The following NRXN1 variants were observed in gnomAD, a reference collection of about 807,000 sequenced individuals.
The protein encoded by NRXN1 is neurexin-1.
A neutral mutation model predicts 150.9 loss-of-function variants in NRXN1; 39 were observed. The observed-to-expected ratio is 0.26, with a 90% CI of 0.20 to 0.34. NRXN1 has a LOEUF of 0.34. Ranked by LOEUF, NRXN1 falls within the 10% of genes least tolerant of loss-of-function variation. NRXN1 has a pLI of 1.00. For synonymous variants in NRXN1, 924 were observed against 757.0 expected (o/e 1.22, Z -3.62); for missense variants, 1,815 against 1,949.9 (o/e 0.93, Z 1.30).
chr2:50,327,944 C>T (rs546614039), intron 17 of NRXN1, among the ~76,000 whole-genome samples: 6 of 152,236 alleles, frequency 3.9e-5, no homozygotes, highest in Non-Finnish European at 5.9e-5. Flanking sequence ...CCACTGTGCC[C>T]GGCCACTTCT....
chr2:50,801,156 TA>T (rs1445113595), intron 5 of NRXN1, among the ~76,000 whole-genome samples: 2 of 152,284 alleles, frequency 1.3e-5, no homozygotes, highest in East Asian at 3.9e-4. Context: ...ACTGATTCAC[TA>T]ATCAGGCTTA....
chr2:50,844,695 G>T (rs1355634212), intron 5 of NRXN1, among the ~76,000 whole-genome samples: 2 of 152,102 alleles, frequency 1.3e-5, no homozygotes, highest in Non-Finnish European at 2.9e-5. Context: ...CGCCACCCAG[G>T]TTTTCCTGCT....
At chr2:50,379,475 T>C (rs1382062256) in intron 17 of NRXN1, among the ~76,000 whole-genome samples, 1 of 152,068 alleles carries the variant, frequency 6.6e-6, no homozygotes, top group Non-Finnish European at 1.5e-5. Context: ...CGCTTGCAGG[T>C]AGAGTATTGA....
intron 17 of NRXN1, among the ~76,000 whole-genome samples, chr2:50,343,649 C>G (rs150016933): frequency 1.9e-3 from 282 of 152,322 alleles, no homozygotes; most frequent in African/African-American, 6.7e-3. Flanking sequence ...GCCATGAGCG[C>G]TCTCTGCGCC....
intron 5 of NRXN1, among the ~76,000 whole-genome samples, chr2:50,667,844 C>A (rs1310060388): frequency 6.6e-6 from 1 of 151,964 alleles, no homozygotes; most frequent in Non-Finnish European, 1.5e-5. Context: ...GAGCCATAGT[C>A]TGAAGTTGGT....
At chr2:51,007,805 G>T (rs986381894) in intron 2 of NRXN1, among the ~76,000 whole-genome samples, 1 of 151,804 alleles carries the variant, frequency 6.6e-6, no homozygotes, top group African/African-American at 2.4e-5. Context: ...TAATTATCTG[G>T]AATATTCCCT....
At chr2:50,746,731 T>G (rs1559203560) in intron 5 of NRXN1, among the ~76,000 whole-genome samples, 1 of 152,112 alleles carries the variant, frequency 6.6e-6, no homozygotes, top group Non-Finnish European at 1.5e-5. Flanking sequence ...GTCATCCCCC[T>G]TGTCAGAGGC....
intron 18 of NRXN1, among the ~76,000 whole-genome samples, chr2:50,186,541 T>G (rs968993842): frequency 6.6e-6 from 1 of 152,068 alleles, no homozygotes; most frequent in African/African-American, 2.4e-5. Flanking sequence ...GATGAGTAGA[T>G]TCTTCTATAA....
chr2:49,975,762 G>T (rs1278972181), intron 21 of NRXN1, among the ~76,000 whole-genome samples: 1 of 151,990 alleles, frequency 6.6e-6, no homozygotes, highest in East Asian at 1.9e-4. Flanking sequence ...ATTCATTAGA[G>T]CACTGTAATA....
rs554822196 is a variant in NRXN1 at position 50,949,048 on chromosome 2, A to G, written c.773-23093T>C. ...GTTCTATAAACCCAAGGAAATATAT[A>G]TAATTAATTAGTCCAGCATTTGTTA... On this transcript the variant is annotated intron_variant, in intron 2 of 22. Coordinates refer to ENST00000401669, the MANE Select transcript of NRXN1 (RefSeq NM_001330078.2). 2.6e-5 allele frequency among the ~76,000 whole-genome samples: 4 copies of G among 152,198 alleles called. No individual in the cohort carries two copies. The South Asian group carries it at 6.2e-4, about 24-fold the overall frequency.
At chr2:50,548,821 A>G (rs2093551841) in intron 9 of NRXN1, among the ~76,000 whole-genome samples, 1 of 152,172 alleles carries the variant, frequency 6.6e-6, no homozygotes, top group Admixed American at 6.5e-5. Context: ...CAGCAAATTA[A>G]TGACCATAAT....
chr2:50,893,361 T>A (rs1385655446), intron 5 of NRXN1, among the ~76,000 whole-genome samples: 4 of 152,180 alleles, frequency 2.6e-5, no homozygotes, highest in African/African-American at 7.2e-5. Context: ...CCTACTTAAA[T>A]GTTAAAGGGG....
chr2:50,510,988 G>C (rs1221822951), intron 12 of NRXN1, among the ~76,000 whole-genome samples: 1 of 151,892 alleles, frequency 6.6e-6, no homozygotes, highest in Non-Finnish European at 1.5e-5. Context: ...AAAGACATTA[G>C]ATGACGTCCC....
At chr2:50,512,133 G>A (rs1285009125) in intron 12 of NRXN1, among the ~76,000 whole-genome samples, 1 of 151,864 alleles carries the variant, frequency 6.6e-6, no homozygotes, top group African/African-American at 2.4e-5. Context: ...TTCTTAGAAG[G>A]ACCAAAACTA....
chr2:50,215,078 C>T (rs2063303075), intron 18 of NRXN1, among the ~76,000 whole-genome samples: 1 of 151,944 alleles, frequency 6.6e-6, no homozygotes, highest in South Asian at 2.1e-4. Flanking sequence ...TGTTATTTAT[C>T]TAATTACCTT....
intron 18 of NRXN1, among the ~76,000 whole-genome samples, chr2:50,208,315 C>T (rs2062761839): frequency 6.6e-6 from 1 of 152,194 alleles, no homozygotes; most frequent in African/African-American, 2.4e-5. Context: ...GAGATACAGA[C>T]ATCTTCATCT....
At chr2:50,209,240 A>G (rs1466599712) in intron 18 of NRXN1, among the ~76,000 whole-genome samples, 2 of 152,176 alleles carry the variant, frequency 1.3e-5, no homozygotes, top group Non-Finnish European at 2.9e-5. Context: ...TCAGGTTGAG[A>G]GAATGAGTTA....
chr2:50,125,355 TC>T (rs1704424649), intron 18 of NRXN1, among the ~76,000 whole-genome samples: 1 of 152,136 alleles, frequency 6.6e-6, no homozygotes, highest in South Asian at 2.1e-4. Flanking sequence ...TTTAATTCAG[TC>T]TCTTAGTAAC....
intron 3 of NRXN1, among the ~76,000 whole-genome samples, chr2:50,925,231 G>C (rs574223083): frequency 6.6e-6 from 1 of 151,750 alleles, no homozygotes; most frequent in African/African-American, 2.4e-5. Flanking sequence ...CTTAAAAAAT[G>C]AGAATAAGGA....
Sources: gnomAD v4.1 joint callset for allele counts (sites outside exome capture counted in the v4.1 genomes callset) on GRCh38, gnomAD v4.1.1 for gene constraint, MANE v1.5 for transcripts, NCBI Gene and HGNC (gene_info 2026-07-23, HGNC 2026-07-21) for gene names.